CAPN7: variants seen among roughly 807,000 people sequenced by gnomAD.
CAPN7 encodes the protein calpain 7.
CAPN7 carries 72 observed loss-of-function variants against 115.2 expected under a neutral mutation model. The ratio of observed to expected loss-of-function variants is 0.63; its 90% CI spans 0.52 to 0.76. CAPN7 has a LOEUF of 0.76. Ranked by LOEUF, CAPN7 falls within the 30% of genes least tolerant of loss-of-function variation. The pLI, the probability that CAPN7 is intolerant of heterozygous loss-of-function variation, is 0.00. For missense variants in CAPN7, 905 were observed against 971.5 expected (o/e 0.93, Z 0.91); for synonymous variants, 344 against 322.3 (o/e 1.07, Z -0.72).
intron 5 of CAPN7, 27 bp downstream of exon 5, chr3:15,221,008 T>G (rs1178153057): frequency 3.2e-6 from 5 of 1,561,994 alleles, no homozygotes; most frequent in Non-Finnish European, 4.4e-6. Flanking sequence ...TTAATTGTAA[T>G]GAAGAATTTT....
chr3:15,222,680 CAT>C (rs773204160), intron 5 of CAPN7, among the ~76,000 whole-genome samples: 3 of 152,316 alleles, frequency 2.0e-5, no homozygotes, highest in African/African-American at 4.8e-5. Context: ...GCTACCTTCA[CAT>C]GTTTGAAATT....
chr3:15,247,252 G>A, intron 18 of CAPN7, 75 bp from the exon 19 acceptor site: 1 of 948,122 alleles, frequency 1.1e-6, no homozygotes, highest in South Asian at 2.3e-5. Context: ...TTTTTTTTGA[G>A]ATGGAAAGGA....
rs143097445 is a variant in CAPN7, at chr3:15,252,889, C to T, written c.*1629C>T. 1.4e-5 allele frequency: 2 copies of T among 143,376 alleles called. No homozygotes were observed. The highest frequency in any genetic ancestry group is 6.7e-5 in the Admixed American group (1 of 14,940). The allele number at this position is 143,376 out of a possible 1,614,324, so 8.9% of individuals were successfully genotyped here. A position where few individuals can be genotyped will look rare whatever the true frequency, so the allele number is the denominator to read the frequency against. ...GTGTATATTTTTCTTTTTAATCTTC[C>T]CAATAGCTGAATAAAGTATAGATAC... is the stretch of plus-strand genomic sequence containing the variant. On this transcript the variant is annotated 3_prime_UTR_variant, in exon 21 of 21. Coordinates refer to ENST00000253693, the MANE Select transcript of CAPN7 (RefSeq NM_014296.3).
chr3:15,217,941 T>G (rs1266867520), intron 3 of CAPN7, among the ~76,000 whole-genome samples: 2 of 152,220 alleles, frequency 1.3e-5, no homozygotes, highest in Non-Finnish European at 2.9e-5. Flanking sequence ...TGGATGAGCC[T>G]TACTTATTTG....
chr3:15,243,223 A>G (rs1332355118), intron 16 of CAPN7, among the ~76,000 whole-genome samples: 1 of 152,202 alleles, frequency 6.6e-6, no homozygotes, highest in African/African-American at 2.4e-5. Context: ...GAACAGGCCA[A>G]TTGCCTGGGT....
At chr3:15,223,238 GT>G (rs1559393633) in intron 5 of CAPN7, among the ~76,000 whole-genome samples, 1 of 152,004 alleles carries the variant, frequency 6.6e-6, no homozygotes, top group Non-Finnish European at 1.5e-5. Flanking sequence ...GAATAGTCTT[GT>G]CTTCTTGTGG....
intron 8 of CAPN7, 92 bp downstream of exon 8, chr3:15,229,151 G>A: frequency 1.2e-6 from 1 of 839,904 alleles, no homozygotes; most frequent in Non-Finnish European, 2.0e-6. Flanking sequence ...AAAGTGGAGA[G>A]GGCATATCAT....
chr3:15,216,484 A>G (rs1375018838), intron 2 of CAPN7, among the ~76,000 whole-genome samples: 1 of 152,110 alleles, frequency 6.6e-6, no homozygotes, highest in Non-Finnish European at 1.5e-5. Flanking sequence ...GGTTGTCTTT[A>G]TTGTTGAATT....
At chr3:15,233,736 T>G in intron 10 of CAPN7, 131 bp from the exon 11 acceptor site, 1 of 611,586 alleles carries the variant, frequency 1.6e-6, no homozygotes, top group Non-Finnish European at 2.9e-6. Flanking sequence ...ATATTACTAG[T>G]TGAAAACAAC....
At chr3:15,214,091 A>G (rs1223057090) in intron 2 of CAPN7, among the ~76,000 whole-genome samples, 1 of 152,130 alleles carries the variant, frequency 6.6e-6, no homozygotes, top group African/African-American at 2.4e-5. Context: ...CATGTTAGCC[A>G]GGATGGTCTC....
In CAPN7 at chr3:15,251,182, CT is replaced by C; in HGVS notation, c.2369del (p.Leu790CysfsTer111). ...GGATCTTCAATATCATTCCTAGTAC[CT>C]TTTTGCCTAAACAAGAAGGACCTTT... Reference protein sequence around the residue: ...SGIFNIIPSTFLPKQEGPFFL... With the variant: ...SGIFNIIPSTXLPKQEGPFFL... On this transcript the variant is annotated frameshift_variant, in exon 21 of 21. Coordinates refer to ENST00000253693, the MANE Select transcript of CAPN7 (RefSeq NM_014296.3). LOFTEE classifies it high-confidence loss of function. The C allele has an allele frequency of 6.2e-7, 1 of 1,608,544 alleles. No homozygotes were observed. The highest frequency in any genetic ancestry group is 1.7e-5 in the Admixed American group (1 of 59,696).
chr3:15,250,803 T>A (rs1005723583), intron 19 of CAPN7, 128 bp from the exon 20 acceptor site: 1 of 625,428 alleles, frequency 1.6e-6, no homozygotes, highest in East Asian at 2.7e-5. Flanking sequence ...AAAAATAGAG[T>A]GTGTATGTTT....
At chr3:15,229,553 CTTT>C (rs61081705) in intron 8 of CAPN7, among the ~76,000 whole-genome samples, 1 of 88,306 alleles carries the variant, frequency 1.1e-5, no homozygotes, top group Non-Finnish European at 2.4e-5. Context: ...ATTGGTTTTA[CTTT>C]TTTTCTTTTT....
chr3:15,212,034 T>G, intron 1 of CAPN7, 70 bp from the exon 2 acceptor site: 16 of 783,662 alleles, frequency 2.0e-5, no homozygotes, highest in Non-Finnish European at 3.1e-5. Context: ...CAATATTGAA[T>G]GAGAATGTGA....
At chr3:15,241,698 G>C in intron 15 of CAPN7, 110 bp downstream of exon 15, 1 of 797,684 alleles carries the variant, frequency 1.3e-6, no homozygotes, top group South Asian at 2.5e-5. Context: ...TAGGTGCCCT[G>C]AGAATAGTGT....
Position 15,230,465 on chromosome 3 carries a change from A to G in CAPN7, c.962A>G (p.Asp321Gly), listed in dbSNP as rs1324100033. The G allele has an allele frequency of 1.2e-6, 2 of 1,612,226 alleles. No individual in the cohort carries two copies. Among genetic ancestry groups the G allele is most frequent in the African/African-American group, 1.3e-5 (1 of 74,898 alleles). ...AGCATAATTTACCCTCAAAACAAGG[A>G]TGGTGAACCAGAATACAATCCATGT... The part of the protein sequence containing the change: ...ITGIIYPQNK[D>G]GEPEYNPCGK... The change falls in exon 9 of 21, where the codon GAT (aspartate) becomes GGT (glycine). Residue 321 changes from aspartate to glycine, a missense_variant. Around this residue, in one of 3 missense-constraint regions of CAPN7, gnomAD observed 620 missense variants for 703.4 expected, o/e 0.88. Coordinates refer to ENST00000253693, the MANE Select transcript of CAPN7 (RefSeq NM_014296.3).
chr3:15,207,722 CT>C (rs2044709924), intron 1 of CAPN7, among the ~76,000 whole-genome samples: 1 of 151,676 alleles, frequency 6.6e-6, no homozygotes, highest in Non-Finnish European at 1.5e-5. Flanking sequence ...ATCAATATTA[CT>C]GTCTTCCACC....
chr3:15,251,526 C>T lies in CAPN7; in HGVS notation c.*266C>T, dbSNP rs568826215. Reference sequence around the variant, plus strand: ...TAGGGGCCATTTTGTATAAAAAGTGCATATGATTAAAATTAGACTCAGTCA... The same window carrying T: ...TAGGGGCCATTTTGTATAAAAAGTGTATATGATTAAAATTAGACTCAGTCA... On this transcript the variant is annotated 3_prime_UTR_variant, in exon 21 of 21. Coordinates refer to ENST00000253693, the MANE Select transcript of CAPN7 (RefSeq NM_014296.3). 4 of 265,930 alleles carry T rather than the reference C, an allele frequency of 1.5e-5. No homozygotes were observed. The East Asian group carries it at 2.7e-4, about 18-fold the overall frequency. 16.5% of individuals were successfully genotyped at this position (265,930 alleles called of 1,614,324 possible).
In CAPN7 at chr3:15,241,443, T is replaced by TATC. The variant is rs773777509; in HGVS notation, c.1653-9_1653-7dup. ...TAATTACAACCTTCTTTGTTGACTT[T>TATC]ATCTTTTAGTACTTGGGATGCTAAG... On this transcript the variant is annotated splice_polypyrimidine_tract_variant and intron_variant, in intron 14 of 20. Transcript: ENST00000253693. 6.2e-7 allele frequency: 1 copy of TATC among 1,611,688 alleles called. No homozygotes were observed. The highest frequency in any genetic ancestry group is 1.1e-5 in the South Asian group (1 of 90,848).
Sources: allele counts gnomAD v4.1 joint callset (sites outside exome capture counted in the v4.1 genomes callset), GRCh38; gene constraint gnomAD v4.1.1; regional missense constraint gnomAD v4.1.1; transcripts MANE v1.5; gene names NCBI Gene and HGNC (gene_info 2026-07-23, HGNC 2026-07-21).